FAM240C: variants seen among roughly 807,000 people sequenced by gnomAD.
The protein encoded by FAM240C is family with sequence similarity 240 member C.
FAM240C carries 14 observed loss-of-function variants against 10.0 expected under a neutral mutation model. The observed-to-expected ratio is 1.40, with a 90% CI of 0.92 to 2.19. The LOEUF is 2.19. Ranked by LOEUF, FAM240C falls within the 30% of genes most tolerant of loss-of-function variation. FAM240C has a pLI of 0.00. For missense variants in FAM240C, 154 were observed against 122.3 expected (o/e 1.26, Z -1.22); for synonymous variants, 49 against 44.3 (o/e 1.11, Z -0.42).
chr2:241,894,864 C>G (rs1020942554), intron 2 of FAM240C, among the ~76,000 whole-genome samples: 1 of 152,208 alleles, frequency 6.6e-6, no homozygotes, highest in Non-Finnish European at 1.5e-5. Flanking sequence ...CTCACCTGCC[C>G]GGCCTGGCCA....
intron 2 of FAM240C, among the ~76,000 whole-genome samples, chr2:241,895,595 C>T (rs570361184): frequency 3.3e-5 from 5 of 152,342 alleles, no homozygotes; most frequent in Non-Finnish European, 5.9e-5. Context: ...TACTCTCTAA[C>T]GGGAACCCTA....
intron 1 of FAM240C, chr2:241,899,472 A>C: frequency 1.2e-5 from 5 of 416,252 alleles, no homozygotes; most frequent in Non-Finnish European, 1.6e-5. Context: ...GGTGGGATGC[A>C]CGGAACCCAC....
chr2:241,899,852 G>A (rs989846699), intron 1 of FAM240C, among the ~76,000 whole-genome samples: 3 of 152,154 alleles, frequency 2.0e-5, no homozygotes, highest in Non-Finnish European at 2.9e-5. Flanking sequence ...CGGATCACGA[G>A]GTCAGGAGAT....
upstream of FAM240C, chr2:241,900,569 A>G (rs1037295104): frequency 7.8e-5 from 45 of 577,510 alleles, no homozygotes; most frequent in Non-Finnish European, 1.3e-4. The surrounding 1 kb of genome is among the most constrained non-coding windows in gnomAD (Gnocchi z 4.5). Flanking sequence ...TCCGGAGGGC[A>G]GCTGTTGGCA....
chr2:241,897,101 G>T lies in FAM240C; in HGVS notation c.161+85C>A, dbSNP rs1290692707. 7.6e-6 allele frequency: 11 copies of T among 1,439,644 alleles called. No individual in the cohort carries two copies. In the East Asian group the frequency reaches 2.2e-4, roughly 29 times the overall value. The allele number at this position is 1,439,644 out of a possible 1,614,324, so 89.2% of individuals were successfully genotyped here. On this transcript the variant is annotated intron_variant, in intron 2 of 2. Coordinates refer to ENST00000404031, the MANE Select transcript of FAM240C (RefSeq NM_001382368.1). The stretch of plus-strand genomic sequence containing the variant: ...GGCTGAGGGCCAGGGCTGTGTCAGG[G>T]CACACTGCTGGCGGGGCTGTGCCCC...
chr2:241,900,836 G>C (rs559202638), upstream of FAM240C, among the ~76,000 whole-genome samples: 59 of 152,246 alleles, frequency 3.9e-4, no homozygotes, highest in African/African-American at 1.4e-3. The surrounding 1 kb of genome is among the most constrained non-coding windows in gnomAD (Gnocchi z 4.5). Context: ...AGGCAGGTGT[G>C]GAAATGCTTA....
At position 241,896,839 on chromosome 2, in the gene FAM240C, G is replaced by T. The variant is rs367828036; in HGVS notation, c.161+347C>A. ...TGGGTGTGGGGGTGTGGGTGTTGGG[G>T]TGTGGGTGAAGGGGTGTGGGTGTGG... On this transcript the variant is annotated intron_variant, in intron 2 of 2. Coordinates refer to ENST00000404031, the MANE Select transcript of FAM240C (RefSeq NM_001382368.1). 7.6e-3 allele frequency among the ~76,000 whole-genome samples: 943 copies of T among 124,300 alleles called. 99 individuals are homozygous for T. Among genetic ancestry groups the T allele is most frequent in the African/African-American group, 0.031 (750 of 24,498 alleles). The allele number at this position is 124,300 out of a possible 152,430, so 81.5% of individuals were successfully genotyped here. A position where few individuals can be genotyped will look rare whatever the true frequency, so the allele number is the denominator to read the frequency against.
chr2:241,896,991 G>A (rs78709065), intron 2 of FAM240C, among the ~76,000 whole-genome samples, 195 bp downstream of exon 2: 2,923 of 151,986 alleles, frequency 0.019, 105 homozygotes, highest in African/African-American at 0.068. Flanking sequence ...TGTTCCAAGC[G>A]TGATCACTAA....
At chr2:241,896,285 A>T (rs1335539612) in intron 2 of FAM240C, among the ~76,000 whole-genome samples, 1 of 151,904 alleles carries the variant, frequency 6.6e-6, no homozygotes, top group African/African-American at 2.4e-5. Flanking sequence ...GCACCCATAG[A>T]CCCCTGGCCT....
intron 2 of FAM240C, among the ~76,000 whole-genome samples, chr2:241,896,598 TGAAGG>T (rs1559468368): frequency 1.2e-4 from 11 of 88,962 alleles, no homozygotes; most frequent in African/African-American, 2.6e-4. Flanking sequence ...GGGGTGTGGG[TGAAGG>T]GGTGTGGGTG....
chr2:241,899,868 C>A (rs548655847), intron 1 of FAM240C, among the ~76,000 whole-genome samples: 1 of 152,132 alleles, frequency 6.6e-6, no homozygotes, highest in Non-Finnish European at 1.5e-5. Flanking sequence ...GAGATCCAGA[C>A]CAGCCTGACT....
At chr2:241,899,217 TG>T (rs1261408740) in intron 1 of FAM240C, 1 of 1,303,648 alleles carries the variant, frequency 7.7e-7, no homozygotes, top group Non-Finnish European at 1.0e-6. Context: ...GACCCCTGGC[TG>T]GGGGCTTCCA....
chr2:241,895,350 G>A (rs1296482721), intron 2 of FAM240C, among the ~76,000 whole-genome samples: 1 of 152,230 alleles, frequency 6.6e-6, no homozygotes, highest in Non-Finnish European at 1.5e-5. Flanking sequence ...ACAGCCGGCC[G>A]CCCATCCCAG....
chr2:241,899,213 T>G, intron 1 of FAM240C: 1 of 1,303,876 alleles, frequency 7.7e-7, no homozygotes, highest in Non-Finnish European at 1.0e-6. Flanking sequence ...ATGTGACCCC[T>G]GGCTGGGGGC....
At chr2:241,896,813 GTGGGTGTGGGGGTGTGGGTGTT>G (rs1559468627) in intron 2 of FAM240C, among the ~76,000 whole-genome samples, 6 of 82,954 alleles carry the variant, frequency 7.2e-5, no homozygotes, top group African/African-American at 1.2e-4. Flanking sequence ...GTGTGGGTGT[GTGGGTGTGGGGGTGTGGGTGTT>G]GGGGTGTGGG....
Position 241,896,926 on chromosome 2 carries a change from T to A in FAM240C, c.161+260A>T, listed in dbSNP as rs182457317. 1.4e-3 allele frequency among the ~76,000 whole-genome samples: 209 copies of A among 151,806 alleles called. 1 individual carries two copies. Among genetic ancestry groups the A allele is most frequent in the Non-Finnish European group, 9.1e-4 (62 of 67,878 alleles). The stretch of plus-strand genomic sequence containing the variant: ...GTGTTGCCTGGATAGTGATGTTTGA[T>A]CTGAGCTCCTGGTCTCACGGTTAGC... On this transcript the variant is annotated intron_variant, in intron 2 of 2. Coordinates refer to ENST00000404031, the MANE Select transcript of FAM240C (RefSeq NM_001382368.1).
chr2:241,897,668 G>A (rs1415745356), intron 1 of FAM240C, among the ~76,000 whole-genome samples: 1 of 152,224 alleles, frequency 6.6e-6, no homozygotes, highest in African/African-American at 2.4e-5. Flanking sequence ...GTTAGTGTGG[G>A]TGATCTGCAG....
intron 1 of FAM240C, among the ~76,000 whole-genome samples, chr2:241,898,111 G>A (rs1701896970): frequency 6.6e-6 from 1 of 152,182 alleles, no homozygotes; most frequent in African/African-American, 2.4e-5. Context: ...GGGGTTAAAT[G>A]TGGCAGGTTA....
intron 2 of FAM240C, among the ~76,000 whole-genome samples, chr2:241,895,684 G>T (rs996662425): frequency 6.6e-6 from 1 of 152,220 alleles, no homozygotes; most frequent in Non-Finnish European, 1.5e-5. Flanking sequence ...GAGGGGGGTT[G>T]TGCAAATGGA....
Sources: allele counts gnomAD v4.1 joint callset (sites outside exome capture counted in the v4.1 genomes callset), GRCh38; gene constraint gnomAD v4.1.1; non-coding constraint Gnocchi (gnomAD v3.1); transcripts MANE v1.5; gene names NCBI Gene and HGNC (gene_info 2026-07-23, HGNC 2026-07-21).